LYG1: variants seen among roughly 807,000 people sequenced by gnomAD.
The protein encoded by LYG1 is lysozyme g-like protein 1.
In LYG1, 17 loss-of-function variants were observed where a neutral mutation model predicts 21.7. The ratio of observed to expected loss-of-function variants is 0.78; its 90% CI spans 0.54 to 1.18. The LOEUF is 1.18. Ranked by LOEUF, LYG1 falls within the 50% of genes most tolerant of loss-of-function variation. The probability of loss-of-function intolerance (pLI) is 0.00; values close to 1 mark genes in which losing one functional copy is unlikely to be tolerated. For synonymous variants in LYG1, 81 were observed against 87.4 expected (o/e 0.93, Z 0.41); for missense variants, 211 against 238.1 (o/e 0.89, Z 0.75).
chr2:99,294,919 T>C (rs1364933435), intron 3 of LYG1, among the ~76,000 whole-genome samples: 1 of 152,098 alleles, frequency 6.6e-6, no homozygotes, highest in Non-Finnish European at 1.5e-5. Flanking sequence ...CTGGCCAACA[T>C]GGTGAAACCC....
At chr2:99,300,425 G>A (rs549065622) in intron 1 of LYG1, among the ~76,000 whole-genome samples, 8 of 152,116 alleles carry the variant, frequency 5.3e-5, no homozygotes, top group African/African-American at 7.2e-5. Context: ...AGATTTCCCC[G>A]TGAACGTTTC....
At position 99,291,814 on chromosome 2, in the gene LYG1, A is replaced by T. The variant is rs147723116; in HGVS notation, c.149-393T>A. Among the ~76,000 whole-genome samples, 441 of 152,372 alleles carry T rather than the reference A, an allele frequency of 2.9e-3. 2 individuals carry two copies. Among genetic ancestry groups the T allele is most frequent in the African/African-American group, 1.0e-2 (414 of 41,586 alleles). ...GAGAAATTCTGCAAACCCTTCAATA[A>T]GTCTTTAGATAGTGTTCCTCAACAA... On this transcript the variant is annotated intron_variant, in intron 4 of 6. Coordinates refer to ENST00000308528, the MANE Select transcript of LYG1 (RefSeq NM_174898.3).
In LYG1 at chr2:99,291,219, C is replaced by T. The variant is rs759500638; in HGVS notation, c.333+18G>A. The T allele has an allele frequency of 2.5e-6, 4 of 1,610,274 alleles. No individual in the cohort carries two copies. Among genetic ancestry groups the T allele is most frequent in the Non-Finnish European group, 3.4e-6 (4 of 1,177,618 alleles). On this transcript the variant is annotated intron_variant, in intron 5 of 6. Coordinates refer to ENST00000308528, the MANE Select transcript of LYG1 (RefSeq NM_174898.3). ...CACATAGCAGAATGGCCACATGTGT[C>T]AACGGATGAAGAGTTACCTGCACCA...
At chr2:99,290,135 G>A (rs1477735940) in intron 5 of LYG1, among the ~76,000 whole-genome samples, 1 of 152,174 alleles carries the variant, frequency 6.6e-6, no homozygotes, top group Admixed American at 6.5e-5. Flanking sequence ...TGGGATTATA[G>A]GCATGAGCCA....
chr2:99,299,511 C>T (rs1243143482), intron 1 of LYG1, among the ~76,000 whole-genome samples: 1 of 150,768 alleles, frequency 6.6e-6, no homozygotes, highest in East Asian at 2.0e-4. Flanking sequence ...GCACCCTCGA[C>T]CTGCCTGAGC....
chr2:99,298,963 A>T (rs2094145607), intron 1 of LYG1, among the ~76,000 whole-genome samples: 2 of 151,850 alleles, frequency 1.3e-5, no homozygotes, highest in Non-Finnish European at 2.9e-5. Flanking sequence ...ACAAAGTCTC[A>T]CTCTGTCGCC....
chr2:99,302,765 T>TC (rs966991579), upstream of LYG1, among the ~76,000 whole-genome samples: 6 of 152,164 alleles, frequency 3.9e-5, no homozygotes, highest in Non-Finnish European at 5.9e-5. Flanking sequence ...ACGTCTGTAA[T>TC]CCCAGCGCTT....
intron 2 of LYG1, among the ~76,000 whole-genome samples, chr2:99,296,784 T>A (rs1251549517): frequency 6.6e-6 from 1 of 152,216 alleles, no homozygotes; most frequent in Non-Finnish European, 1.5e-5. Context: ...CTCTTTTGTT[T>A]TGAGGTTAAC....
intron 1 of LYG1, among the ~76,000 whole-genome samples, chr2:99,300,546 T>C (rs1275046953): frequency 6.6e-6 from 1 of 152,228 alleles, no homozygotes; most frequent in Admixed American, 6.5e-5. Context: ...CATGTTGGCC[T>C]TAGTTCTTAC....
intron 5 of LYG1, among the ~76,000 whole-genome samples, chr2:99,289,844 TTG>T: frequency 1.0e-5 from 1 of 97,798 alleles, no homozygotes; most frequent in Non-Finnish European, 2.4e-5. Context: ...CTCTTGTTTG[TTG>T]TTGTTGTTGT....
chr2:99,291,081 T>C (rs544907298), intron 5 of LYG1, among the ~76,000 whole-genome samples, 156 bp downstream of exon 5: 2 of 152,318 alleles, frequency 1.3e-5, no homozygotes, highest in South Asian at 2.1e-4. Context: ...GAAACAGAAA[T>C]GTTGCTGCTC....
upstream of LYG1, chr2:99,304,658 A>T (rs1206398988): frequency 8.5e-5 from 13 of 152,452 alleles, no homozygotes; most frequent in African/African-American, 3.1e-4. Flanking sequence ...ATGAAGTTTT[A>T]GGCTGGGTGG....
In LYG1 at chr2:99,291,347, T is replaced by C. The variant is rs146822576; in HGVS notation, c.223A>G (p.Ile75Val). 18 of 1,614,066 alleles carry C rather than the reference T, an allele frequency of 1.1e-5. No homozygotes were observed. Among genetic ancestry groups the C allele is most frequent in the Non-Finnish European group, 1.4e-5 (17 of 1,180,048 alleles). ...GGATCCATGCAGTACTTTTGGCCAA[T>C]GGTTTGCATCATGGGTTGATATTTC... ...LLKYQPMMQTIGQKYCMDPAV... is the reference protein window; with the variant it reads ...LLKYQPMMQTVGQKYCMDPAV... Residue 75 changes from isoleucine (I) to valine (V), a missense_variant, in exon 5 of 7, where the codon ATT (isoleucine) becomes GTT (valine). Coordinates refer to ENST00000308528, the MANE Select transcript of LYG1 (RefSeq NM_174898.3).
In LYG1 at chr2:99,291,823, A is replaced by T. The variant is rs191070193; in HGVS notation, c.149-402T>A. Among the ~76,000 whole-genome samples, 905 of 152,320 alleles carry T rather than the reference A, an allele frequency of 5.9e-3. 4 individuals are homozygous for T. Among genetic ancestry groups the T allele is most frequent in the Admixed American group, 8.6e-3 (132 of 15,296 alleles). On this transcript the variant is annotated intron_variant, in intron 4 of 6. Transcript: ENST00000308528. ...TGCAAACCCTTCAATAAGTCTTTAG[A>T]TAGTGTTCCTCAACAAGTTTGTTCA...
intron 5 of LYG1, among the ~76,000 whole-genome samples, chr2:99,288,785 G>A (rs2094109829): frequency 6.6e-6 from 1 of 152,068 alleles, no homozygotes; most frequent in Non-Finnish European, 1.5e-5. Context: ...GGCCAGGCTG[G>A]TTTCAAACTC....
At position 99,292,074 on chromosome 2, in the gene LYG1, G is replaced by T. The variant is rs528625413; in HGVS notation, c.148+462C>A. Among the ~76,000 whole-genome samples the T allele has an allele frequency of 2.6e-5, 4 of 152,214 alleles. No individual in the cohort carries two copies. In the East Asian group the frequency reaches 7.8e-4, roughly 30 times the overall value. ...GGCCAAAGAGGGAGGATCACCTGAG[G>T]TCAGGAGTTCGAGACCAGCCTGACC... On this transcript the variant is annotated intron_variant, in intron 4 of 6. Coordinates refer to ENST00000308528, the MANE Select transcript of LYG1 (RefSeq NM_174898.3).
chr2:99,287,127 T>C (rs2094102617), intron 5 of LYG1, among the ~76,000 whole-genome samples: 1 of 151,666 alleles, frequency 6.6e-6, no homozygotes, highest in Admixed American at 6.6e-5. Context: ...AAACTGGGAG[T>C]TGCTAATTAA....
intron 1 of LYG1, among the ~76,000 whole-genome samples, chr2:99,298,790 G>C (rs778296848): frequency 5.3e-5 from 8 of 152,028 alleles, no homozygotes; most frequent in Non-Finnish European, 7.4e-5. Flanking sequence ...TCCACATTAG[G>C]CATGGTCTCC....
Position 99,292,538 on chromosome 2 carries a change from C to T in LYG1, c.146G>A (p.Cys49Tyr). Reference sequence around the variant, plus strand: ...AGAGGGCGAAAGCTCATAGCTACCACAGTAGTTCAGGCCGTGACGTCTTCC... The same window carrying T: ...AGAGGGCGAAAGCTCATAGCTACCATAGTAGTTCAGGCCGTGACGTCTTCC... ...GIGRRHGLNY[C>Y]GVRASERLAE... The change falls in exon 4 of 7, where the codon TGT becomes TAT. Residue 49 changes from cysteine to tyrosine, a missense_variant and splice_region_variant. Physicochemically the swap from Cys to Tyr is radical, Grantham distance 194. Coordinates refer to ENST00000308528, the MANE Select transcript of LYG1 (RefSeq NM_174898.3). 1 of 1,612,188 alleles carries T rather than the reference C, an allele frequency of 6.2e-7. No homozygotes were observed. The highest frequency in any genetic ancestry group is 2.2e-5 in the East Asian group (1 of 44,860).
Sources: allele counts gnomAD v4.1 joint callset (sites outside exome capture counted in the v4.1 genomes callset), GRCh38; gene constraint gnomAD v4.1.1; transcripts MANE v1.5; gene names NCBI Gene and HGNC (gene_info 2026-07-23, HGNC 2026-07-21).